Variants in DNAJC7 observed in about 807,000 individuals in gnomAD.
The protein encoded by DNAJC7 is dnaJ homolog subfamily C member 7.
Under a neutral mutation model 67.4 loss-of-function variants are expected in DNAJC7, and 18 were observed. That is an observed-to-expected ratio of 0.27 (90% CI 0.18 to 0.40). The LOEUF (loss-of-function observed/expected upper bound fraction) is 0.40. Ranked by LOEUF, DNAJC7 falls within the 10% of genes least tolerant of loss-of-function variation. The pLI, the probability that DNAJC7 is intolerant of heterozygous loss-of-function variation, is 1.00. For missense variants in DNAJC7, 419 were observed against 613.8 expected, an observed-to-expected ratio of 0.68 and a Z score of 3.35; for synonymous variants, 220 against 207.8, an observed-to-expected ratio of 1.06 and a Z score of -0.50.
At chr17:42,005,292 C>G (rs2051917659) in intron 1 of DNAJC7, among the ~76,000 whole-genome samples, 1 of 152,186 alleles carries the variant, frequency 6.6e-6, no homozygotes, top group South Asian at 2.1e-4. Flanking sequence ...TGCACATTTA[C>G]AGCTCAACTA....
At chr17:41,982,601 C>G (rs567747344) in intron 10 of DNAJC7, among the ~76,000 whole-genome samples, 200 bp from the exon 11 acceptor site, 1 of 152,146 alleles carries the variant, frequency 6.6e-6, no homozygotes, top group South Asian at 2.1e-4. Context: ...CTTTGGGAGG[C>G]CTGCATCAAT....
intron 1 of DNAJC7, among the ~76,000 whole-genome samples, chr17:42,005,863 C>T (rs545417688): frequency 6.6e-6 from 1 of 151,812 alleles, no homozygotes; most frequent in South Asian, 2.1e-4. Flanking sequence ...ACCTCAGCCT[C>T]CCTAGTAGCT....
At chr17:41,986,259 C>G (rs977389107) in intron 9 of DNAJC7, among the ~76,000 whole-genome samples, 3 of 151,682 alleles carry the variant, frequency 2.0e-5, no homozygotes, top group Non-Finnish European at 2.9e-5. Context: ...TCAGCTACTT[C>G]GGAGGCTGAA....
At chr17:42,017,093 C>A in intron 1 of DNAJC7, 1 of 1,422,904 alleles carries the variant, frequency 7.0e-7, no homozygotes, top group South Asian at 1.5e-5. Flanking sequence ...CCTATAAGGA[C>A]GATCGTCCTC....
intron 12 of DNAJC7, chr17:41,977,684 G>A (rs1598111293): frequency 5.7e-6 from 1 of 175,554 alleles, no homozygotes; most frequent in Non-Finnish European, 1.2e-5. Flanking sequence ...CTACTAAAAA[G>A]GATAAAATGT....
chr17:41,991,960 C>A (rs1325236589), intron 5 of DNAJC7, among the ~76,000 whole-genome samples: 1 of 152,200 alleles, frequency 6.6e-6, no homozygotes, highest in Non-Finnish European at 1.5e-5. Flanking sequence ...GGATTACAAG[C>A]ATAAGCCACT....
chr17:41,997,375 G>T, intron 2 of DNAJC7, 136 bp from the exon 3 acceptor site: 1 of 1,081,740 alleles, frequency 9.2e-7, no homozygotes, highest in Non-Finnish European at 1.3e-6. Context: ...ACCACTTGAG[G>T]TCAGGAGTTC....
In DNAJC7 at chr17:41,976,645, G is replaced by A. The variant is rs527995417; in HGVS notation, c.*88C>T. On this transcript the variant is annotated 3_prime_UTR_variant, in exon 14 of 14. Coordinates refer to ENST00000457167, the MANE Select transcript of DNAJC7 (RefSeq NM_003315.4). ...GAAACTGCTCTAAGCACACGGAGACGTGATGAAGGGAGGAGGTGAACTGTT... is the reference window on the plus strand; with the variant it reads ...GAAACTGCTCTAAGCACACGGAGACATGATGAAGGGAGGAGGTGAACTGTT... 170 of 1,536,146 alleles carry A rather than the reference G, an allele frequency of 1.1e-4. No homozygotes were observed. The highest frequency in any genetic ancestry group is 5.7e-4 in the African/African-American group (41 of 71,946).
intron 1 of DNAJC7, among the ~76,000 whole-genome samples, chr17:42,003,925 G>A (rs1486895975): frequency 8.9e-5 from 13 of 145,638 alleles, no homozygotes; most frequent in African/African-American, 2.5e-4. Flanking sequence ...TCAGATTTTC[G>A]AAGCATTTCC....
At chr17:41,990,184 A>AGAGC (rs2051477716) in intron 6 of DNAJC7, 80 bp downstream of exon 6, 2 of 1,380,450 alleles carry the variant, frequency 1.4e-6, no homozygotes, top group African/African-American at 2.9e-5. Flanking sequence ...TCTGGGGACC[A>AGAGC]TATCCTGTGG....
intron 1 of DNAJC7, among the ~76,000 whole-genome samples, chr17:42,007,482 T>C (rs2051997750): frequency 6.6e-6 from 1 of 152,168 alleles, no homozygotes; most frequent in Non-Finnish European, 1.5e-5. Context: ...TAACTTCTAT[T>C]CCATCTTACC....
chr17:41,988,051 C>G (rs782221900), intron 8 of DNAJC7, 141 bp from the exon 9 acceptor site: 26 of 681,672 alleles, frequency 3.8e-5, no homozygotes, highest in Non-Finnish European at 6.4e-5. Flanking sequence ...TTCTTTGTCA[C>G]CAGGGCTATG....
intron 2 of DNAJC7, among the ~76,000 whole-genome samples, chr17:41,999,185 C>T (rs1224151697): frequency 6.6e-6 from 1 of 151,842 alleles, no homozygotes; most frequent in Non-Finnish European, 1.5e-5. Context: ...CAGGTTCAAG[C>T]AATTCTCCTG....
intron 5 of DNAJC7, 52 bp from the exon 6 acceptor site, chr17:41,990,434 A>G: frequency 6.8e-7 from 1 of 1,466,812 alleles, no homozygotes; most frequent in Non-Finnish European, 9.4e-7. Context: ...CTCCAGAAAC[A>G]TCTTCACTTT....
intron 1 of DNAJC7, chr17:42,014,950 T>C (rs2052225609): frequency 6.6e-6 from 1 of 152,076 alleles, no homozygotes; most frequent in Admixed American, 6.6e-5. Flanking sequence ...TACATTTTCT[T>C]AGTGACAGAT....
At chr17:42,008,550 C>T (rs1057196995) in intron 1 of DNAJC7, among the ~76,000 whole-genome samples, 1 of 151,788 alleles carries the variant, frequency 6.6e-6, no homozygotes, top group Non-Finnish European at 1.5e-5. Context: ...GCTGTGACTA[C>T]AGGCGCCTGC....
chr17:41,998,538 C>G (rs970629879), intron 2 of DNAJC7, among the ~76,000 whole-genome samples: 2 of 152,182 alleles, frequency 1.3e-5, no homozygotes, highest in Non-Finnish European at 2.9e-5. Context: ...AGGATACAAT[C>G]AGTTTTAAAA....
At chr17:41,980,265 G>C (rs2051214931) in intron 12 of DNAJC7, among the ~76,000 whole-genome samples, 1 of 151,972 alleles carries the variant, frequency 6.6e-6, no homozygotes, top group African/African-American at 2.4e-5. Flanking sequence ...GGGCAGGATG[G>C]TCTCAATCTC....
At chr17:41,980,275 C>T (rs997997603) in intron 12 of DNAJC7, among the ~76,000 whole-genome samples, 4 of 152,140 alleles carry the variant, frequency 2.6e-5, no homozygotes, top group African/African-American at 7.2e-5. Flanking sequence ...GTCTCAATCT[C>T]TTGACCTTGT....
Sources: gnomAD v4.1 joint callset for allele counts (sites outside exome capture counted in the v4.1 genomes callset) on GRCh38, gnomAD v4.1.1 for gene constraint, MANE v1.5 for transcripts, NCBI Gene and HGNC (gene_info 2026-07-23, HGNC 2026-07-21) for gene names.